PTPRN2: variants seen among roughly 807,000 people sequenced by gnomAD.
PTPRN2 encodes receptor-type tyrosine-protein phosphatase N2.
PTPRN2 carries 74 observed loss-of-function variants against 118.8 expected under a neutral mutation model. That is an observed-to-expected ratio of 0.62 (90% CI 0.52 to 0.76). PTPRN2 has a LOEUF of 0.76. Ranked by LOEUF, PTPRN2 falls within the 30% of genes least tolerant of loss-of-function variation. The probability of loss-of-function intolerance (pLI) is 0.00; values close to 1 mark genes in which losing one functional copy is unlikely to be tolerated. For synonymous variants in PTPRN2, 641 were observed against 608.0 expected (o/e 1.05, Z -0.80); for missense variants, 1,481 against 1,394.4 (o/e 1.06, Z -0.99).
At chr7:157,645,147 G>A (rs1292041799) in intron 14 of PTPRN2, among the ~76,000 whole-genome samples, 1 of 152,252 alleles carries the variant, frequency 6.6e-6, no homozygotes, top group Non-Finnish European at 1.5e-5. Flanking sequence ...TTGATGTTGC[G>A]TGGACGTGCC....
chr7:158,081,459 G>A (rs1483395003), intron 10 of PTPRN2, 82 bp from the exon 11 acceptor site: 1 of 1,387,834 alleles, frequency 7.2e-7, no homozygotes, highest in African/African-American at 1.4e-5. Context: ...GAAAACACTG[G>A]TGTGTTTTTA....
chr7:158,436,989 G>T (rs141485343), intron 2 of PTPRN2, among the ~76,000 whole-genome samples: 27 of 152,034 alleles, frequency 1.8e-4, no homozygotes, highest in Admixed American at 1.5e-3. Context: ...CCAAGCTTTG[G>T]TGTCTTTCTT....
chr7:157,871,764 TAC>T (rs5888732), intron 12 of PTPRN2, among the ~76,000 whole-genome samples: 45 of 149,566 alleles, frequency 3.0e-4, no homozygotes, highest in Admixed American at 1.5e-3. Context: ...TATGCACACA[TAC>T]ACACACACAC....
In PTPRN2 at chr7:157,925,096, G is replaced by A. The variant is rs537206640; in HGVS notation, c.1724-26359C>T. Reference sequence around the variant, plus strand: ...GGATGCAGGCACCTGCATTTAGCACGTCAAGCAAATGCAGTTATTGAAGTG... The same window carrying A: ...GGATGCAGGCACCTGCATTTAGCACATCAAGCAAATGCAGTTATTGAAGTG... On this transcript the variant is annotated intron_variant, in intron 11 of 22. Coordinates refer to ENST00000389418, the MANE Select transcript of PTPRN2 (RefSeq NM_002847.5). 5.0e-4 allele frequency among the ~76,000 whole-genome samples: 54 copies of A among 106,938 alleles called. 5 individuals are homozygous for A. Among genetic ancestry groups the A allele is most frequent in the African/African-American group, 2.1e-3 (50 of 23,650 alleles). 70.2% of individuals were successfully genotyped at this position (106,938 alleles called of 152,430 possible). A position where few individuals can be genotyped will look rare whatever the true frequency, so the allele number is the denominator to read the frequency against.
At chr7:157,696,727 C>A (rs1797799998) in intron 12 of PTPRN2, among the ~76,000 whole-genome samples, 2 of 148,690 alleles carry the variant, frequency 1.3e-5, no homozygotes, top group Non-Finnish European at 3.0e-5. Context: ...CTTAGCAGAG[C>A]CCTCACCGTC....
At chr7:158,282,440 C>T (rs1008109838) in intron 3 of PTPRN2, among the ~76,000 whole-genome samples, 16 of 152,160 alleles carry the variant, frequency 1.1e-4, no homozygotes, top group South Asian at 2.1e-4. Flanking sequence ...GTCTAGGAGA[C>T]GCAGATCAGG....
intron 14 of PTPRN2, among the ~76,000 whole-genome samples, chr7:157,643,327 C>G (rs1804819542): frequency 6.6e-6 from 1 of 152,168 alleles, no homozygotes; most frequent in African/African-American, 2.4e-5. Context: ...ACTAGCATGG[C>G]TCTAGCATTT....
At chr7:158,331,745 C>G (rs62480889) in intron 2 of PTPRN2, among the ~76,000 whole-genome samples, 1 of 144,822 alleles carries the variant, frequency 6.9e-6, no homozygotes, top group Admixed American at 6.8e-5. Flanking sequence ...CACCTGCAGA[C>G]GTCACTCAAA....
At chr7:158,320,073 A>AGG in intron 2 of PTPRN2, among the ~76,000 whole-genome samples, 1 of 77,572 alleles carries the variant, frequency 1.3e-5, no homozygotes, top group Admixed American at 1.2e-4. Flanking sequence ...ACACACACAC[A>AGG]CAGCCTCCCT....
intron 4 of PTPRN2, among the ~76,000 whole-genome samples, chr7:158,204,243 T>A (rs1446529243): frequency 7.0e-6 from 1 of 143,532 alleles, no homozygotes; most frequent in Non-Finnish European, 1.5e-5. Flanking sequence ...CGCCGCTTGC[T>A]GGGGAAAGAC....
At chr7:158,002,071 T>C (rs1402855237) in intron 11 of PTPRN2, among the ~76,000 whole-genome samples, 1 of 152,112 alleles carries the variant, frequency 6.6e-6, no homozygotes, top group East Asian at 1.9e-4. Flanking sequence ...TGACATGGGG[T>C]GGCCCCCATG....
chr7:157,817,840 TATGTGTGTGGTGC>T (rs1157378899), intron 12 of PTPRN2, among the ~76,000 whole-genome samples: 3 of 151,920 alleles, frequency 2.0e-5, no homozygotes, highest in Non-Finnish European at 4.4e-5. Context: ...GTGTGTAGCG[TATGTGTGTGGTGC>T]GTGTGTGTGG....
In PTPRN2 at chr7:157,967,490, G is replaced by A. The variant is rs117216516; in HGVS notation, c.1724-68753C>T. Among the ~76,000 whole-genome samples, 607 of 152,276 alleles carry A rather than the reference G, an allele frequency of 4.0e-3. 1 individual carries two copies. The highest frequency in any genetic ancestry group is 5.0e-3 in the African/African-American group (209 of 41,548). On this transcript the variant is annotated intron_variant, in intron 11 of 22. Coordinates refer to ENST00000389418, the MANE Select transcript of PTPRN2 (RefSeq NM_002847.5). ...GGTTCTATCTCATTTACGTGGCTGG[G>A]AGTTGTAAATGCCATGAGTTTCTTC... is the stretch of plus-strand genomic sequence containing the variant.
chr7:158,378,509 C>A (rs894449484), intron 2 of PTPRN2, among the ~76,000 whole-genome samples: 1 of 152,206 alleles, frequency 6.6e-6, no homozygotes. Context: ...GTCCTCTCCC[C>A]ACAGTGAGCT....
rs1824757097 is a variant in PTPRN2, at chr7:158,526,043, G to C, written c.113-36258C>G. Among the ~76,000 whole-genome samples, 2 of 152,192 alleles carry C rather than the reference G, an allele frequency of 1.3e-5. No homozygotes were observed. On this transcript the variant is annotated intron_variant, in intron 1 of 22. Transcript: ENST00000389418. The surrounding 1 kb of genome is among the most constrained non-coding windows in gnomAD (Gnocchi z 5.2). ...CCTACTCTCCCCTCTGGCTGGCATT[G>C]TGCAGTCCTTCCTTCCTCAGCAGCG...
chr7:157,803,137 G>C (rs1181514010), intron 12 of PTPRN2, among the ~76,000 whole-genome samples: 1 of 151,982 alleles, frequency 6.6e-6, no homozygotes, highest in Non-Finnish European at 1.5e-5. Flanking sequence ...GCTAATTTTT[G>C]TATTTTTAGT....
intron 1 of PTPRN2, among the ~76,000 whole-genome samples, chr7:158,585,001 A>G (rs1015050955): frequency 1.3e-5 from 2 of 152,220 alleles, no homozygotes; most frequent in Non-Finnish European, 2.9e-5. Flanking sequence ...GTGAAGTTGA[A>G]TGTTAATAGG....
chr7:158,145,405 C>T (rs1046223092), intron 6 of PTPRN2, among the ~76,000 whole-genome samples: 28 of 152,236 alleles, frequency 1.8e-4, no homozygotes, highest in Admixed American at 3.9e-4. Context: ...CCCGGTACAG[C>T]GTGGTACAGT....
intron 11 of PTPRN2, among the ~76,000 whole-genome samples, chr7:157,916,200 C>T (rs1442332287): frequency 6.6e-6 from 1 of 152,224 alleles, no homozygotes; most frequent in African/African-American, 2.4e-5. Context: ...CTGGTCTCTC[C>T]TCGGCCCCAG....
Sources: gnomAD v4.1 joint callset for allele counts (sites outside exome capture counted in the v4.1 genomes callset) on GRCh38, gnomAD v4.1.1 for gene constraint, Gnocchi (gnomAD v3.1) non-coding constraint, MANE v1.5 for transcripts, NCBI Gene and HGNC (gene_info 2026-07-23, HGNC 2026-07-21) for gene names.